The following GAD2 variants were observed in gnomAD, a reference collection of about 807,000 sequenced individuals.
The protein encoded by GAD2 is glutamate decarboxylase 2.
In GAD2, 22 loss-of-function variants were observed where a neutral mutation model predicts 80.1. That is an observed-to-expected ratio of 0.27 (90% CI 0.20 to 0.39). The LOEUF (loss-of-function observed/expected upper bound fraction) is 0.39, where lower values mean the gene tolerates loss of function less well. GAD2 is among the 10% of genes least tolerant of loss of function. The probability of loss-of-function intolerance (pLI) is 1.00; values close to 1 mark genes in which losing one functional copy is unlikely to be tolerated. For missense variants in GAD2, 624 were observed against 738.4 expected, an observed-to-expected ratio of 0.85 and a Z score of 1.80; for synonymous variants, 274 against 256.9, an observed-to-expected ratio of 1.07 and a Z score of -0.64.
intron 8 of GAD2, among the ~76,000 whole-genome samples, chr10:26,256,861 C>A (rs1333585841): frequency 6.6e-6 from 1 of 152,176 alleles, no homozygotes; most frequent in African/African-American, 2.4e-5. Context: ...AGCATAAATA[C>A]CCCGTTGCTT....
At chr10:26,229,901 G>T in intron 7 of GAD2, 124 bp downstream of exon 7, 1 of 681,768 alleles carries the variant, frequency 1.5e-6, no homozygotes, top group Non-Finnish European at 2.5e-6. Context: ...GGGAGGGAAT[G>T]GGGGAGAAAG....
chr10:26,219,661 C>T (rs1179870734), intron 4 of GAD2, among the ~76,000 whole-genome samples: 1 of 152,144 alleles, frequency 6.6e-6, no homozygotes, highest in Non-Finnish European at 1.5e-5. Context: ...CAAACAAAAG[C>T]CCGAATACCA....
intron 8 of GAD2, among the ~76,000 whole-genome samples, chr10:26,255,595 TGGAAGGAAAGAA>T (rs1844932640): frequency 1.1e-5 from 1 of 92,262 alleles, no homozygotes; most frequent in African/African-American, 8.6e-5. Flanking sequence ...ATGTGAATTA[TGGAAGGAAAGAA>T]GGAAGGAAGG....
chr10:26,265,736 A>G (rs56150542), intron 8 of GAD2, among the ~76,000 whole-genome samples: 4,660 of 152,306 alleles, frequency 0.031, 254 homozygotes, highest in African/African-American at 0.11. Flanking sequence ...ATACTTTTAG[A>G]CCACACAAAG....
Position 26,216,924 on chromosome 10 carries a change from G to T in GAD2, c.76+39G>T, listed in dbSNP as rs1484920853. ...CGGGGGCCTGCGGCGGGCGAGTTTT[G>T]CGGTGGTCTGGGGTTTGCGGAACTA... On this transcript the variant is annotated intron_variant, in intron 1 of 15. Transcript: ENST00000376261. The surrounding 1 kb of genome is among the most constrained non-coding windows in gnomAD (Gnocchi z 4.7). 1.9e-6 allele frequency: 3 copies of T among 1,572,672 alleles called. No homozygotes were observed. The African/African-American group carries it at 4.1e-5, about 21-fold the overall frequency.
chr10:26,243,596 C>T (rs775350333), intron 7 of GAD2, among the ~76,000 whole-genome samples: 3 of 152,200 alleles, frequency 2.0e-5, no homozygotes, highest in Non-Finnish European at 4.4e-5. Flanking sequence ...CACAGTCCTA[C>T]CCGGAATCAA....
At chr10:26,232,098 T>C (rs980404070) in intron 7 of GAD2, among the ~76,000 whole-genome samples, 1 of 152,248 alleles carries the variant, frequency 6.6e-6, no homozygotes, top group Non-Finnish European at 1.5e-5. Flanking sequence ...AGGAGATAAC[T>C]TTCTTTTCTC....
At chr10:26,228,340 G>GA (rs8190622) in intron 6 of GAD2, among the ~76,000 whole-genome samples, 1 of 152,210 alleles carries the variant, frequency 6.6e-6, no homozygotes, top group Admixed American at 6.5e-5. Context: ...GGATGACACA[G>GA]AAAACGTAAC....
chr10:26,244,293 A>G (rs1844779649), intron 7 of GAD2, among the ~76,000 whole-genome samples: 1 of 152,194 alleles, frequency 6.6e-6, no homozygotes, highest in Non-Finnish European at 1.5e-5. Context: ...GGAATGTAAA[A>G]TGGTACCGCC....
intron 10 of GAD2, among the ~76,000 whole-genome samples, chr10:26,273,357 T>C (rs1296541118): frequency 6.6e-6 from 1 of 152,218 alleles, no homozygotes; most frequent in Admixed American, 6.5e-5. Flanking sequence ...TGAGGACTAA[T>C]GGTGCTGGTG....
chr10:26,232,210 C>T (rs1183046634), intron 7 of GAD2, among the ~76,000 whole-genome samples: 3 of 152,180 alleles, frequency 2.0e-5, no homozygotes, highest in Non-Finnish European at 4.4e-5. Context: ...ATTACATTCT[C>T]AGCCTCAAAA....
Position 26,295,408 on chromosome 10 carries a change from C to T in GAD2, c.1584+2417C>T, listed in dbSNP as rs1373599351. On this transcript the variant is annotated intron_variant, in intron 15 of 15. Transcript: ENST00000376261. ...GAATACCAAGTTTAACTTTTGTTCA[C>T]GTATGCCAATGATTTTTTCAGACTT... Among the ~76,000 whole-genome samples, 9 of 151,974 alleles carry T rather than the reference C, an allele frequency of 5.9e-5. No individual in the cohort carries two copies. In the East Asian group the frequency reaches 7.7e-4, roughly 13 times the overall value.
chr10:26,253,431 G>T (rs1844904742), intron 8 of GAD2, among the ~76,000 whole-genome samples: 1 of 151,950 alleles, frequency 6.6e-6, no homozygotes, highest in Non-Finnish European at 1.5e-5. Flanking sequence ...GCTAAGAATA[G>T]AAAAGAAAAG....
At chr10:26,295,406 C>T (rs1316712045) in intron 15 of GAD2, among the ~76,000 whole-genome samples, 2 of 151,996 alleles carry the variant, frequency 1.3e-5, no homozygotes, top group Non-Finnish European at 2.9e-5. Context: ...AACTTTTGTT[C>T]ACGTATGCCA....
intron 7 of GAD2, among the ~76,000 whole-genome samples, chr10:26,234,197 G>A (rs1345385169): frequency 2.6e-5 from 4 of 151,982 alleles, no homozygotes; most frequent in Non-Finnish European, 5.9e-5. Flanking sequence ...GTTGGTTGGC[G>A]CCTGTAATCC....
At chr10:26,296,367 G>A (rs1834273348) in intron 15 of GAD2, among the ~76,000 whole-genome samples, 1 of 152,194 alleles carries the variant, frequency 6.6e-6, no homozygotes, top group African/African-American at 2.4e-5. Context: ...ACCTAATAGT[G>A]GCTCATAAGC....
intron 7 of GAD2, among the ~76,000 whole-genome samples, chr10:26,232,889 G>A (rs961626575): frequency 6.6e-6 from 1 of 152,134 alleles, no homozygotes; most frequent in Non-Finnish European, 1.5e-5. Flanking sequence ...CTCTATCTAT[G>A]CATACAGTAG....
At chr10:26,225,452 G>C (rs923125172) in intron 6 of GAD2, among the ~76,000 whole-genome samples, 14 of 152,166 alleles carry the variant, frequency 9.2e-5, no homozygotes, top group Non-Finnish European at 1.9e-4. Flanking sequence ...AAAGAAACCC[G>C]ATGTGCAGAC....
chr10:26,287,696 T>C (rs8190779), intron 13 of GAD2, among the ~76,000 whole-genome samples: 2,349 of 152,328 alleles, frequency 0.015, 70 homozygotes, highest in African/African-American at 0.052. Flanking sequence ...GTTTTTGTTA[T>C]CTGGTATACA....
Sources: allele counts gnomAD v4.1 joint callset (sites outside exome capture counted in the v4.1 genomes callset), GRCh38; gene constraint gnomAD v4.1.1; non-coding constraint Gnocchi (gnomAD v3.1); transcripts MANE v1.5; gene names NCBI Gene and HGNC (gene_info 2026-07-23, HGNC 2026-07-21).